The following ALDH1A2 variants were observed in gnomAD, a reference collection of about 807,000 sequenced individuals.
ALDH1A2 encodes retinal dehydrogenase 2.
ALDH1A2 carries 27 observed loss-of-function variants against 60.3 expected under a neutral mutation model. The observed-to-expected ratio is 0.45, with a 90% CI of 0.33 to 0.62. The LOEUF (loss-of-function observed/expected upper bound fraction) is 0.62, where lower values mean the gene tolerates loss of function less well. Among genes scored for constraint, ALDH1A2 ranks in the 20% least tolerant of loss-of-function variants. ALDH1A2 has a pLI of 0.02. For synonymous variants in ALDH1A2, 289 were observed against 232.4 expected (o/e 1.24, Z -2.21); for missense variants, 581 against 643.8 (o/e 0.90, Z 1.06).
intron 7 of ALDH1A2, among the ~76,000 whole-genome samples, chr15:57,988,074 A>G (rs1383665795): frequency 2.0e-5 from 3 of 152,232 alleles, no homozygotes; most frequent in African/African-American, 7.2e-5. Flanking sequence ...CAAGTATGTG[A>G]GTAAACAGAC....
intron 12 of ALDH1A2, among the ~76,000 whole-genome samples, chr15:57,958,480 G>A (rs1893614280): frequency 6.6e-6 from 1 of 152,180 alleles, no homozygotes; most frequent in African/African-American, 2.4e-5. Context: ...CTGAGCCTGG[G>A]AATTAAGAGG....
chr15:57,964,163 A>C (rs1285850535), intron 8 of ALDH1A2, 94 bp from the exon 9 acceptor site: 2 of 1,370,388 alleles, frequency 1.5e-6, no homozygotes, highest in African/African-American at 2.9e-5. Context: ...CCCTAGGTAT[A>C]GTGTGCTCAC....
chr15:57,999,573 C>G (rs1895188431), intron 4 of ALDH1A2, among the ~76,000 whole-genome samples: 1 of 151,868 alleles, frequency 6.6e-6, no homozygotes, highest in Non-Finnish European at 1.5e-5. Flanking sequence ...AATAGGAACA[C>G]TGTTCCTATT....
intron 12 of ALDH1A2, among the ~76,000 whole-genome samples, chr15:57,955,779 T>C (rs3742961): frequency 0.48 from 73,637 of 152,046 alleles, 18,205 homozygotes; most frequent in Non-Finnish European, 0.54. Flanking sequence ...GGGAGTGGGT[T>C]GCATGTCTAA....
intron 7 of ALDH1A2, among the ~76,000 whole-genome samples, chr15:57,970,202 A>ATCTT (rs1894017307): frequency 2.0e-5 from 3 of 152,220 alleles, no homozygotes; most frequent in Admixed American, 2.0e-4. Context: ...GAAAAACCTC[A>ATCTT]TCTTTTTTTA....
intron 1 of ALDH1A2, among the ~76,000 whole-genome samples, chr15:58,036,898 G>C (rs1446082767): frequency 3.3e-5 from 5 of 151,712 alleles, no homozygotes; most frequent in African/African-American, 1.2e-4. Context: ...GTATGACCTG[G>C]AGTAGGGAAT....
chr15:58,040,621 T>C (rs1286459020), intron 1 of ALDH1A2, among the ~76,000 whole-genome samples: 2 of 151,892 alleles, frequency 1.3e-5, no homozygotes, highest in Non-Finnish European at 2.9e-5. Flanking sequence ...GAACCTTTCC[T>C]CTCAACATCT....
At chr15:57,999,196 A>G (rs1895172871) in intron 4 of ALDH1A2, among the ~76,000 whole-genome samples, 1 of 152,182 alleles carries the variant, frequency 6.6e-6, no homozygotes, top group Admixed American at 6.5e-5. Flanking sequence ...AAAAATTGAC[A>G]ATTTGGATCT....
intron 7 of ALDH1A2, among the ~76,000 whole-genome samples, chr15:57,984,136 A>C (rs1413646756): frequency 1.3e-5 from 2 of 152,194 alleles, no homozygotes; most frequent in East Asian, 3.9e-4. Flanking sequence ...GTAATATGGA[A>C]TATAGGCCCT....
chr15:58,024,231 A>T (rs1896011783), intron 1 of ALDH1A2, among the ~76,000 whole-genome samples: 1 of 152,224 alleles, frequency 6.6e-6, no homozygotes. Flanking sequence ...ACAATAAGAA[A>T]AAAAAAGAGG....
intron 12 of ALDH1A2, among the ~76,000 whole-genome samples, chr15:57,960,517 C>G (rs1392161661): frequency 6.6e-6 from 1 of 152,168 alleles, no homozygotes; most frequent in Non-Finnish European, 1.5e-5. Flanking sequence ...GTTTAACATA[C>G]TTCTAATCAT....
At chr15:58,003,847 T>C (rs1239259801) in intron 4 of ALDH1A2, among the ~76,000 whole-genome samples, 1 of 151,936 alleles carries the variant, frequency 6.6e-6, no homozygotes, top group African/African-American at 2.4e-5. Flanking sequence ...ATGATTATTA[T>C]TTATCATCAT....
intron 7 of ALDH1A2, among the ~76,000 whole-genome samples, chr15:57,967,612 A>T (rs1185464149): frequency 6.6e-6 from 1 of 152,178 alleles, no homozygotes; most frequent in Non-Finnish European, 1.5e-5. Context: ...AGATTTTGAA[A>T]ATGTATCCCC....
chr15:58,056,740 A>C, intron 1 of ALDH1A2, among the ~76,000 whole-genome samples: 1 of 152,188 alleles, frequency 6.6e-6, no homozygotes, highest in South Asian at 2.1e-4. Context: ...AGCAAATGAT[A>C]AATTAGCCAA....
intron 1 of ALDH1A2, among the ~76,000 whole-genome samples, chr15:58,028,255 TAAAGA>T (rs1366782410): frequency 4.6e-5 from 7 of 152,106 alleles, no homozygotes; most frequent in East Asian, 1.9e-4. Flanking sequence ...TCAACATTCT[TAAAGA>T]AAAGAATTTT....
intron 1 of ALDH1A2, among the ~76,000 whole-genome samples, chr15:58,022,332 T>C (rs939873787): frequency 6.6e-6 from 1 of 152,100 alleles, no homozygotes; most frequent in African/African-American, 2.4e-5. Flanking sequence ...CCACATAAGC[T>C]GAAATCTACC....
intron 4 of ALDH1A2, among the ~76,000 whole-genome samples, chr15:57,997,929 C>T (rs1265160907): frequency 6.6e-6 from 1 of 151,940 alleles, no homozygotes; most frequent in African/African-American, 2.4e-5. Flanking sequence ...TGTGCTTGAA[C>T]TCTTCCCAAA....
At chr15:57,996,501 CTCT>C (rs1389616362) in intron 4 of ALDH1A2, among the ~76,000 whole-genome samples, 1 of 149,338 alleles carries the variant, frequency 6.7e-6, no homozygotes, top group Non-Finnish European at 1.5e-5. Flanking sequence ...TTGTTTTTCC[CTCT>C]TTTTTTTTTT....
At chr15:57,970,791 C>T (rs189945803) in intron 7 of ALDH1A2, among the ~76,000 whole-genome samples, 30 of 152,272 alleles carry the variant, frequency 2.0e-4, no homozygotes, top group Admixed American at 8.5e-4. Context: ...ATGCCTGTGT[C>T]TTGTAATATC....
Sources: gnomAD v4.1 joint callset for allele counts (sites outside exome capture counted in the v4.1 genomes callset) on GRCh38, gnomAD v4.1.1 for gene constraint, MANE v1.5 for transcripts, NCBI Gene and HGNC (gene_info 2026-07-23, HGNC 2026-07-21) for gene names.